The following SEPTIN6 variants were observed in gnomAD, a reference collection of about 807,000 sequenced individuals.
SEPTIN6 encodes septin-6.
SEPTIN6 carries 8 observed loss-of-function variants against 33.6 expected under a neutral mutation model. That is an observed-to-expected ratio of 0.24 (90% CI 0.14 to 0.43). The LOEUF (loss-of-function observed/expected upper bound fraction) is 0.43. Among genes scored for constraint, SEPTIN6 ranks in the 20% least tolerant of loss-of-function variants. The probability of loss-of-function intolerance (pLI) is 1.00; values close to 1 mark genes in which losing one functional copy is unlikely to be tolerated. For synonymous variants in SEPTIN6, 131 were observed against 140.0 expected (o/e 0.94, Z 0.45); for missense variants, 250 against 340.8 (o/e 0.73, Z 2.10).
Position 119,637,047 on chromosome X carries a change from G to A in SEPTIN6, c.936C>T (p.Asp312=), listed in dbSNP as rs1440487074. 8.3e-7 allele frequency: 1 copy of A among 1,209,250 alleles called. No homozygotes were observed. Among genetic ancestry groups the A allele is most frequent in the African/African-American group, 1.8e-5 (1 of 56,995 alleles). ...GGTACCTGAAGGGTTTGCTGTCAGG[G>A]TCGGTGTCCTTGAAGCCCATCTCCT... ...KLEEMGFKDT[D]PDSKPFSLQE... Residue 312 remains aspartate (D), a synonymous_variant, in exon 7 of 11, where the codon GAC becomes GAT. Transcript: ENST00000394610.
chrX:119,643,738 C>T lies in SEPTIN6; in HGVS notation c.691-2950G>A, dbSNP rs538938953. On this transcript the variant is annotated intron_variant, in intron 5 of 10. Transcript: ENST00000394610. ...GGAACTGGGATACATGGAGGTTAAACGAGTTGCCTAGGTCCCTAACCCCCA... is the reference window on the plus strand; with the variant it reads ...GGAACTGGGATACATGGAGGTTAAATGAGTTGCCTAGGTCCCTAACCCCCA... Among the ~76,000 whole-genome samples, 13 of 111,590 alleles carry T rather than the reference C, an allele frequency of 1.2e-4. No individual in the cohort carries two copies. The South Asian group carries it at 3.8e-3, about 32-fold the overall frequency.
At chrX:119,661,295 G>T (rs1320989436) in intron 3 of SEPTIN6, among the ~76,000 whole-genome samples, 1 of 107,900 alleles carries the variant, frequency 9.3e-6, no homozygotes, top group Non-Finnish European at 1.9e-5. Flanking sequence ...GCTGGGTGTG[G>T]TGGCACGAGC....
At chrX:119,642,471 G>A (rs773963514) in intron 5 of SEPTIN6, among the ~76,000 whole-genome samples, 3 of 110,471 alleles carry the variant, frequency 2.7e-5, no homozygotes, top group Non-Finnish European at 5.7e-5. Flanking sequence ...TAAGAGACTT[G>A]TCAGCAGGCA....
At chrX:119,665,103 CTTTTT>C (rs779678789) in intron 2 of SEPTIN6, among the ~76,000 whole-genome samples, 3 of 91,781 alleles carry the variant, frequency 3.3e-5, no homozygotes. Context: ...TCTTCTTCTT[CTTTTT>C]TTTTTTTTTT....
At chrX:119,621,446 G>GGTGTGT (rs34517524) in intron 10 of SEPTIN6, among the ~76,000 whole-genome samples, 3,631 of 63,431 alleles carry the variant, frequency 0.057, 146 homozygotes, top group East Asian at 0.099. Flanking sequence ...GCCCAGAGCT[G>GGTGTGT]GTGTGTGTGT....
chrX:119,637,558 TATCCATCCATCC>T (rs771516167), intron 6 of SEPTIN6, among the ~76,000 whole-genome samples: 4 of 102,512 alleles, frequency 3.9e-5, no homozygotes, highest in Non-Finnish European at 8.0e-5. Context: ...TCCATCCATC[TATCCATCCATCC>T]ATCCATCCAT....
At chrX:119,633,631 T>C in intron 7 of SEPTIN6, 139 bp from the exon 8 acceptor site, 1 of 802,231 alleles carries the variant, frequency 1.2e-6, no homozygotes, top group Non-Finnish European at 1.7e-6. Flanking sequence ...ACCACAAAGC[T>C]GTGGGCACCT....
intron 7 of SEPTIN6, among the ~76,000 whole-genome samples, chrX:119,634,903 G>A (rs2054031072): frequency 1.8e-5 from 2 of 109,243 alleles, no homozygotes. Flanking sequence ...CAGCTACTGG[G>A]GAGGCTGAGG....
chrX:119,688,710 GAAA>G (rs150477050), intron 1 of SEPTIN6, among the ~76,000 whole-genome samples: 1 of 78,776 alleles, frequency 1.3e-5, no homozygotes, highest in Non-Finnish European at 2.5e-5. Flanking sequence ...CCATCTCGGG[GAAA>G]AAAAAAAAAA....
At chrX:119,633,033 T>G (rs1452308582) in intron 8 of SEPTIN6, among the ~76,000 whole-genome samples, 1 of 112,785 alleles carries the variant, frequency 8.9e-6, no homozygotes, top group African/African-American at 3.2e-5. Flanking sequence ...TATGGCTGCA[T>G]AGTATTCCAT....
chrX:119,674,454 G>A (rs1255113745), intron 2 of SEPTIN6, among the ~76,000 whole-genome samples: 1 of 112,436 alleles, frequency 8.9e-6, no homozygotes. Flanking sequence ...TGGGATTACA[G>A]GCGTGAGCCA....
At chrX:119,659,575 G>A (rs1319193911) in intron 3 of SEPTIN6, among the ~76,000 whole-genome samples, 1 of 111,984 alleles carries the variant, frequency 8.9e-6, no homozygotes, top group Non-Finnish European at 1.9e-5. Flanking sequence ...TTATGAGGCA[G>A]TTACTCTGTG....
chrX:119,620,557 G>C (rs1201061647), intron 10 of SEPTIN6, among the ~76,000 whole-genome samples: 1 of 110,108 alleles, frequency 9.1e-6, no homozygotes. Context: ...CTGACCTCAT[G>C]ATCTGCCCGC....
At chrX:119,684,244 C>T (rs2055012103) in intron 1 of SEPTIN6, among the ~76,000 whole-genome samples, 1 of 111,354 alleles carries the variant, frequency 9.0e-6, no homozygotes, top group South Asian at 3.7e-4. Flanking sequence ...TGTGCCCAGC[C>T]CCCTTATTAT....
intron 10 of SEPTIN6, 53 bp downstream of exon 10, chrX:119,625,282 G>A (rs950762908): frequency 1.6e-5 from 14 of 852,423 alleles, no homozygotes; most frequent in African/African-American, 1.4e-4. Context: ...GGGATTGGGG[G>A]AGATATGTTC....
At chrX:119,632,362 AT>A (rs2053980421) in intron 8 of SEPTIN6, among the ~76,000 whole-genome samples, 1 of 108,969 alleles carries the variant, frequency 9.2e-6, no homozygotes, top group African/African-American at 3.3e-5. Context: ...CGCCCGGCTA[AT>A]TTTTTTGTAT....
chrX:119,663,448 T>TA, intron 3 of SEPTIN6, 34 bp downstream of exon 3: 14 of 751,120 alleles, frequency 1.9e-5, no homozygotes, highest in East Asian at 6.7e-5. Context: ...TCTACCAACC[T>TA]CCCCACCCTA....
intron 10 of SEPTIN6, among the ~76,000 whole-genome samples, chrX:119,623,523 C>T (rs760419030): frequency 3.6e-5 from 4 of 111,580 alleles, no homozygotes; most frequent in Non-Finnish European, 7.5e-5. Context: ...AAAGTTTCCA[C>T]GGTAAAGTTT....
Position 119,619,826 on chromosome X carries a change from G to C in SEPTIN6, c.*267C>G, listed in dbSNP as rs2053718822. On this transcript the variant is annotated 3_prime_UTR_variant, in exon 11 of 11. Coordinates refer to ENST00000394610, the MANE Select transcript of SEPTIN6 (RefSeq NM_145799.4). ...CAGGGGGGATGGCTGGGGGTGCTGGGAGGGGGACTGGGATGCAGGATGCAT... is the reference window on the plus strand; with the variant it reads ...CAGGGGGGATGGCTGGGGGTGCTGGCAGGGGGACTGGGATGCAGGATGCAT... 9.5e-7 allele frequency: 1 copy of C among 1,047,264 alleles called. No homozygotes were observed. The highest frequency in any genetic ancestry group is 2.0e-5 in the African/African-American group (1 of 51,143). 86.3% of individuals were successfully genotyped at this position (1,047,264 alleles called of 1,213,427 possible). A position where few individuals can be genotyped will look rare whatever the true frequency, so the allele number is the denominator to read the frequency against.
Sources: gnomAD v4.1 joint callset for allele counts (sites outside exome capture counted in the v4.1 genomes callset) on GRCh38, gnomAD v4.1.1 for gene constraint, MANE v1.5 for transcripts, NCBI Gene and HGNC (gene_info 2026-07-23, HGNC 2026-07-21) for gene names.